The following PSMA8 variants were observed in gnomAD, a reference collection of about 807,000 sequenced individuals.
PSMA8 encodes the protein proteasome 20S subunit alpha 8.
PSMA8 carries 18 observed loss-of-function variants against 32.4 expected under a neutral mutation model. The ratio of observed to expected loss-of-function variants is 0.56; its 90% confidence interval spans 0.38 to 0.82. The LOEUF is 0.82. Among genes scored for constraint, PSMA8 ranks in the 40% least tolerant of loss-of-function variants. The pLI is 0.00. For synonymous variants in PSMA8, 104 were observed against 98.1 expected (o/e 1.06, Z -0.36); for missense variants, 298 against 300.7 (o/e 0.99, Z 0.07).
intron 3 of PSMA8, among the ~76,000 whole-genome samples, chr18:26,153,602 A>G (rs143131116): frequency 2.8e-4 from 42 of 152,210 alleles, no homozygotes; most frequent in Middle Eastern, 3.4e-3. Flanking sequence ...TTTTCCACCT[A>G]TTGGTTTGCT....
chr18:26,175,272 T>G (rs967491795), intron 4 of PSMA8, among the ~76,000 whole-genome samples: 2 of 152,178 alleles, frequency 1.3e-5, no homozygotes, highest in African/African-American at 4.8e-5. Context: ...TAGGGTCACA[T>G]AGCCTCATGG....
At chr18:26,148,678 A>G (rs960766755) in intron 2 of PSMA8, among the ~76,000 whole-genome samples, 17 of 152,180 alleles carry the variant, frequency 1.1e-4, no homozygotes, top group African/African-American at 4.1e-4. Context: ...GCAGTTAGGA[A>G]AGAAAAATAA....
At chr18:26,134,338 T>G (rs533063604) in intron 1 of PSMA8, among the ~76,000 whole-genome samples, 266 of 143,944 alleles carry the variant, frequency 1.8e-3, no homozygotes, top group Non-Finnish European at 3.0e-3. Context: ...GGTGTGTGTG[T>G]GGGTGTGTGT....
chr18:26,181,759 A>C (rs1337796595), intron 6 of PSMA8, among the ~76,000 whole-genome samples: 1 of 152,216 alleles, frequency 6.6e-6, no homozygotes, highest in African/African-American at 2.4e-5. Context: ...ACCTGTCTCT[A>C]CTAAAAATAC....
At chr18:26,179,765 G>A (rs559633565) in intron 6 of PSMA8, among the ~76,000 whole-genome samples, 1 of 151,962 alleles carries the variant, frequency 6.6e-6, no homozygotes, top group East Asian at 1.9e-4. Flanking sequence ...CAAAATTTGG[G>A]AAACTATATA....
At chr18:26,179,296 GTTT>G (rs36120364) in intron 6 of PSMA8, among the ~76,000 whole-genome samples, 166 bp downstream of exon 6, 2 of 139,062 alleles carry the variant, frequency 1.4e-5, no homozygotes, top group Non-Finnish European at 3.2e-5. Flanking sequence ...TGTTTTTTGT[GTTT>G]TTTTTTTTTT....
intron 3 of PSMA8, among the ~76,000 whole-genome samples, chr18:26,154,879 T>C (rs756106463): frequency 2.0e-5 from 3 of 152,054 alleles, no homozygotes; most frequent in Non-Finnish European, 4.4e-5. Context: ...CCTTCCGAAG[T>C]GCTGGGATTA....
At chr18:26,185,250 CA>C (rs2055343857) in intron 6 of PSMA8, among the ~76,000 whole-genome samples, 1 of 150,240 alleles carries the variant, frequency 6.7e-6, no homozygotes, top group African/African-American at 2.5e-5. Context: ...TAAGTTAAAA[CA>C]AAAAAACTCC....
intron 1 of PSMA8, among the ~76,000 whole-genome samples, chr18:26,137,861 C>A (rs2054925187): frequency 6.6e-6 from 1 of 152,084 alleles, no homozygotes; most frequent in Non-Finnish European, 1.5e-5. Flanking sequence ...TTGGGGAGGT[C>A]CCTCTGAAGA....
At chr18:26,145,909 A>G (rs1416048450) in intron 2 of PSMA8, among the ~76,000 whole-genome samples, 1 of 152,204 alleles carries the variant, frequency 6.6e-6, no homozygotes, top group Admixed American at 6.5e-5. Context: ...ATGATAATCC[A>G]TGCTTAGTTT....
At chr18:26,188,409 A>T (rs1261962684) in intron 6 of PSMA8, among the ~76,000 whole-genome samples, 3 of 151,922 alleles carry the variant, frequency 2.0e-5, no homozygotes, top group African/African-American at 7.2e-5. Context: ...TAAAATGTCC[A>T]TACTACCCAA....
intron 3 of PSMA8, among the ~76,000 whole-genome samples, chr18:26,154,450 T>C (rs116703555): frequency 0.01 from 1,562 of 152,180 alleles, 27 homozygotes; most frequent in African/African-American, 0.036. Flanking sequence ...AATTCCCAAT[T>C]GTAGTTTTTA....
chr18:26,182,275 G>A lies in PSMA8; in HGVS notation c.660+3145G>A, dbSNP rs116210620. ...TACTAAACAACAGATTTTCAATGTA[G>A]ATGAAACAGCTTTCTGCTGGAAGAA... On this transcript the variant is annotated intron_variant, in intron 6 of 6. Transcript: ENST00000415576. Among the ~76,000 whole-genome samples the A allele has an allele frequency of 5.1e-3, 784 of 152,304 alleles. 6 individuals are homozygous for A. Among genetic ancestry groups the A allele is most frequent in the African/African-American group, 0.018 (739 of 41,550 alleles).
intron 4 of PSMA8, chr18:26,170,897 G>A (rs2055215266): frequency 6.4e-7 from 1 of 1,559,260 alleles, no homozygotes; most frequent in Non-Finnish European, 8.5e-7. Context: ...GTTTAAGATG[G>A]CCTGGGTGAT....
At chr18:26,138,954 T>C (rs986753347) in intron 1 of PSMA8, among the ~76,000 whole-genome samples, 1 of 152,176 alleles carries the variant, frequency 6.6e-6, no homozygotes. Context: ...GGAAGATAAC[T>C]GTTTTGGACT....
chr18:26,165,952 A>T lies in PSMA8; in HGVS notation c.477+7708A>T, dbSNP rs182308422. Among the ~76,000 whole-genome samples, 4 of 152,056 alleles carry T rather than the reference A, an allele frequency of 2.6e-5. No homozygotes were observed. In the East Asian group the frequency reaches 7.7e-4, roughly 29 times the overall value. ...CTCTACTAAAAAAAAAATACAAAAA[A>T]TTAGCTGTTCCTGGTGGTGTATGCA... On this transcript the variant is annotated intron_variant, in intron 4 of 6. Coordinates refer to ENST00000415576, the MANE Select transcript of PSMA8 (RefSeq NM_001025096.2).
At chr18:26,187,326 G>A (rs1037060492) in intron 6 of PSMA8, among the ~76,000 whole-genome samples, 10 of 152,174 alleles carry the variant, frequency 6.6e-5, no homozygotes, top group African/African-American at 1.9e-4. Flanking sequence ...CAGCCTGGGC[G>A]ACAGAGCAAG....
chr18:26,140,716 A>G (rs2054948685), intron 1 of PSMA8, among the ~76,000 whole-genome samples: 1 of 152,224 alleles, frequency 6.6e-6, no homozygotes, highest in African/African-American at 2.4e-5. Flanking sequence ...ATCATTACAT[A>G]ATTTTACTAA....
chr18:26,137,598 C>T (rs1375916642), intron 1 of PSMA8, among the ~76,000 whole-genome samples: 1 of 151,928 alleles, frequency 6.6e-6, no homozygotes, highest in Non-Finnish European at 1.5e-5. Flanking sequence ...TTTGTTTTCT[C>T]TTTTTTTTAA....
Sources: allele counts gnomAD v4.1 joint callset (sites outside exome capture counted in the v4.1 genomes callset), GRCh38; gene constraint gnomAD v4.1.1; transcripts MANE v1.5; gene names NCBI Gene and HGNC (gene_info 2026-07-23, HGNC 2026-07-21).